Variants in CADM2 observed in about 807,000 individuals in gnomAD.
CADM2 encodes immunoglobulin superfamily member 4D.
CADM2 carries 12 observed loss-of-function variants against 49.8 expected under a neutral mutation model. That is an observed-to-expected ratio of 0.24 (90% confidence interval 0.15 to 0.39). The LOEUF (loss-of-function observed/expected upper bound fraction) is 0.39, where lower values mean the gene tolerates loss of function less well. Among genes scored for constraint, CADM2 ranks in the 10% least tolerant of loss-of-function variants. The pLI, the probability that CADM2 is intolerant of heterozygous loss-of-function variation, is 1.00. For missense variants in CADM2, 378 were observed against 492.3 expected, an observed-to-expected ratio of 0.77 and a Z score of 2.20; for synonymous variants, 214 against 175.4, an observed-to-expected ratio of 1.22 and a Z score of -1.74.
chr3:85,908,641 T>C (rs995753436), intron 5 of CADM2, among the ~76,000 whole-genome samples: 2 of 151,920 alleles, frequency 1.3e-5, no homozygotes, highest in South Asian at 2.1e-4. Context: ...CAATTTTAAA[T>C]GTATCGACAT....
intron 7 of CADM2, among the ~76,000 whole-genome samples, chr3:85,937,020 A>G (rs1049331176): frequency 6.6e-6 from 1 of 151,842 alleles, no homozygotes; most frequent in African/African-American, 2.4e-5. Context: ...GCTTTATAGA[A>G]TGCTTGAAAA....
At chr3:85,635,703 A>T (rs930498607) in intron 1 of CADM2, among the ~76,000 whole-genome samples, 5 of 152,194 alleles carry the variant, frequency 3.3e-5, no homozygotes, top group African/African-American at 1.2e-4. Context: ...ATACAATTTA[A>T]CAAATAATAT....
intron 1 of CADM2, among the ~76,000 whole-genome samples, chr3:85,227,260 A>G (rs1008562256): frequency 2.0e-4 from 30 of 151,978 alleles, no homozygotes; most frequent in Non-Finnish European, 3.8e-4. Flanking sequence ...TGGGAGTCTA[A>G]GTCTTTTTGT....
At chr3:85,880,571 G>A (rs1712602492) in intron 3 of CADM2, among the ~76,000 whole-genome samples, 1 of 152,158 alleles carries the variant, frequency 6.6e-6, no homozygotes. Flanking sequence ...TACTGGTTAA[G>A]AAATCATAGT....
intron 1 of CADM2, among the ~76,000 whole-genome samples, chr3:85,060,503 C>G (rs1282634778): frequency 6.6e-6 from 1 of 152,156 alleles, no homozygotes; most frequent in African/African-American, 2.4e-5. Flanking sequence ...GAATTCAGGA[C>G]ACACTTCCTT....
chr3:85,980,233 ATAT>A (rs936504517), intron 8 of CADM2, among the ~76,000 whole-genome samples: 1 of 151,468 alleles, frequency 6.6e-6, no homozygotes, highest in African/African-American at 2.4e-5. Context: ...TGAGGACTTT[ATAT>A]TATTATATTT....
chr3:85,015,884 G>A (rs1347710937), intron 1 of CADM2, among the ~76,000 whole-genome samples: 1 of 151,978 alleles, frequency 6.6e-6, no homozygotes, highest in Non-Finnish European at 1.5e-5. Flanking sequence ...CCTGGAATAG[G>A]GAATTCACAA....
At chr3:85,772,567 A>C (rs964883595) in intron 2 of CADM2, among the ~76,000 whole-genome samples, 6 of 152,118 alleles carry the variant, frequency 3.9e-5, no homozygotes, top group African/African-American at 1.4e-4. Context: ...TAAAAAGTAT[A>C]GAGTTGATTA....
chr3:84,996,574 TA>T (rs960458689), intron 1 of CADM2, among the ~76,000 whole-genome samples: 2 of 152,134 alleles, frequency 1.3e-5, no homozygotes, highest in Non-Finnish European at 2.9e-5. Context: ...GATTTAATGA[TA>T]AAAAATATTA....
intron 1 of CADM2, among the ~76,000 whole-genome samples, chr3:85,110,684 C>T (rs188404510): frequency 1.5e-3 from 229 of 151,856 alleles, no homozygotes; most frequent in Admixed American, 4.6e-3. Context: ...GGCAAATACA[C>T]GCATATGCCC....
chr3:85,267,467 A>G (rs983353634), intron 1 of CADM2, among the ~76,000 whole-genome samples: 2 of 151,748 alleles, frequency 1.3e-5, no homozygotes, highest in Admixed American at 6.6e-5. Flanking sequence ...TCATCCTCCC[A>G]GAGCAGAAAC....
chr3:85,435,790 T>C (rs555936029), intron 1 of CADM2, among the ~76,000 whole-genome samples: 1 of 152,322 alleles, frequency 6.6e-6, no homozygotes, highest in Admixed American at 6.5e-5. Flanking sequence ...TTTTTCCATA[T>C]GTTTTTTGGC....
chr3:85,680,729 C>T (rs1259840991), intron 1 of CADM2, among the ~76,000 whole-genome samples: 1 of 152,156 alleles, frequency 6.6e-6, no homozygotes, highest in Non-Finnish European at 1.5e-5. Context: ...CTCTAATTAG[C>T]ACTTTGTTCT....
At chr3:85,112,553 A>T (rs2038497573) in intron 1 of CADM2, among the ~76,000 whole-genome samples, 1 of 151,882 alleles carries the variant, frequency 6.6e-6, no homozygotes, top group South Asian at 2.1e-4. Context: ...TATAAAGTTG[A>T]CCTACAATTC....
At chr3:85,485,401 C>G (rs2039376553) in intron 1 of CADM2, among the ~76,000 whole-genome samples, 1 of 151,966 alleles carries the variant, frequency 6.6e-6, no homozygotes, top group Admixed American at 6.6e-5. Flanking sequence ...AACTTCCATT[C>G]CTTCACAGTT....
intron 1 of CADM2, among the ~76,000 whole-genome samples, chr3:85,353,359 A>G (rs991130095): frequency 6.6e-6 from 1 of 152,088 alleles, no homozygotes; most frequent in South Asian, 2.1e-4. Context: ...GATCAGTTGT[A>G]TAATTTTCAT....
At chr3:85,281,469 T>G (rs922752140) in intron 1 of CADM2, among the ~76,000 whole-genome samples, 7 of 152,062 alleles carry the variant, frequency 4.6e-5, no homozygotes, top group African/African-American at 1.7e-4. Flanking sequence ...TCAATTTTTT[T>G]AACAATGGAT....
intron 1 of CADM2, among the ~76,000 whole-genome samples, chr3:84,981,682 C>G (rs2032191432): frequency 6.6e-6 from 1 of 152,118 alleles, no homozygotes. Context: ...CTCCTTCCCT[C>G]CCTTCCCATT....
chr3:85,687,609 A>G (rs867527078), intron 1 of CADM2, among the ~76,000 whole-genome samples: 36 of 152,180 alleles, frequency 2.4e-4, no homozygotes, highest in African/African-American at 8.0e-4. Flanking sequence ...GTAATAAGCA[A>G]TATTTGATCT....
Sources: gnomAD v4.1 joint callset for allele counts (sites outside exome capture counted in the v4.1 genomes callset) on GRCh38, gnomAD v4.1.1 for gene constraint, MANE v1.5 for transcripts, NCBI Gene and HGNC (gene_info 2026-07-23, HGNC 2026-07-21) for gene names.